STX8: variants seen among roughly 807,000 people sequenced by gnomAD.
STX8 encodes syntaxin-8.
Under a neutral mutation model 37.5 loss-of-function variants are expected in STX8, and 23 were observed. The observed-to-expected ratio is 0.61, with a 90% CI of 0.44 to 0.87. The LOEUF (loss-of-function observed/expected upper bound fraction) is 0.87. STX8 is among the 40% of genes least tolerant of loss of function. STX8 has a pLI of 0.00. For synonymous variants in STX8, 115 were observed against 99.1 expected (o/e 1.16, Z -0.95); for missense variants, 313 against 284.7 (o/e 1.10, Z -0.71).
chr17:9,418,191 C>T (rs1221826522), intron 6 of STX8, among the ~76,000 whole-genome samples: 1 of 152,110 alleles, frequency 6.6e-6, no homozygotes, highest in African/African-American at 2.4e-5. Flanking sequence ...AGAATTGAAC[C>T]AGACTGTAGC....
At position 9,515,267 on chromosome 17, in the gene STX8, A is replaced by C. The variant is rs149279521; in HGVS notation, c.324-10105T>G. Reference sequence around the variant, plus strand: ...AAAATTTTAAATAAATCTGTATATCACAAAAGCTATATTAATTTCACTTTT... The same window carrying C: ...AAAATTTTAAATAAATCTGTATATCCCAAAAGCTATATTAATTTCACTTTT... On this transcript the variant is annotated intron_variant, in intron 4 of 7. Transcript: ENST00000306357. Among the ~76,000 whole-genome samples, 378 of 152,352 alleles carry C rather than the reference A, an allele frequency of 2.5e-3. 3 individuals carry two copies. Among genetic ancestry groups the C allele is most frequent in the African/African-American group, 8.7e-3 (360 of 41,586 alleles).
At chr17:9,344,461 A>G (rs975249509) in intron 7 of STX8, among the ~76,000 whole-genome samples, 3 of 152,062 alleles carry the variant, frequency 2.0e-5, no homozygotes, top group Non-Finnish European at 4.4e-5. Flanking sequence ...GGGTTTCGCC[A>G]TGTTGGTCAG....
chr17:9,433,619 A>T (rs759948502), intron 6 of STX8, among the ~76,000 whole-genome samples: 1 of 150,998 alleles, frequency 6.6e-6, no homozygotes, highest in Non-Finnish European at 1.5e-5. Context: ...CATTTTTTGT[A>T]TGTGGGGGAA....
chr17:9,492,748 A>T (rs1375446699), intron 5 of STX8, among the ~76,000 whole-genome samples: 1 of 152,138 alleles, frequency 6.6e-6, no homozygotes, highest in Non-Finnish European at 1.5e-5. Flanking sequence ...CAGGAGTTCA[A>T]AACCATCCTG....
chr17:9,464,513 T>C (rs1346203007), intron 6 of STX8, among the ~76,000 whole-genome samples: 7 of 152,088 alleles, frequency 4.6e-5, no homozygotes, highest in African/African-American at 1.7e-4. Flanking sequence ...AAACAGGAGA[T>C]CCAACCATGA....
chr17:9,320,489 C>T (rs1319303353), intron 7 of STX8, among the ~76,000 whole-genome samples: 1 of 152,086 alleles, frequency 6.6e-6, no homozygotes, highest in Non-Finnish European at 1.5e-5. Flanking sequence ...TATCATTAAC[C>T]ATAGCTCATT....
chr17:9,450,142 G>A (rs996898697), intron 6 of STX8, among the ~76,000 whole-genome samples: 2 of 151,644 alleles, frequency 1.3e-5, no homozygotes, highest in Non-Finnish European at 2.9e-5. Flanking sequence ...GCAGTGGTGC[G>A]ATCTTGGCTT....
At chr17:9,551,912 T>C (rs1281935593) in intron 3 of STX8, among the ~76,000 whole-genome samples, 2 of 151,220 alleles carry the variant, frequency 1.3e-5, no homozygotes, top group Non-Finnish European at 2.9e-5. Flanking sequence ...GTAACTTATA[T>C]AGAATTACCA....
chr17:9,287,382 G>T (rs972294721), intron 7 of STX8, among the ~76,000 whole-genome samples: 2 of 152,196 alleles, frequency 1.3e-5, no homozygotes, highest in Non-Finnish European at 2.9e-5. Context: ...TCTCAGGAGA[G>T]ATGTTCACAG....
At chr17:9,414,429 A>G (rs1016821902) in intron 6 of STX8, among the ~76,000 whole-genome samples, 8 of 152,138 alleles carry the variant, frequency 5.3e-5, no homozygotes, top group African/African-American at 1.4e-4. Context: ...GTATAACTGG[A>G]TGTCATGGCA....
intron 6 of STX8, among the ~76,000 whole-genome samples, chr17:9,428,450 C>G (rs1027215056): frequency 5.9e-5 from 9 of 152,184 alleles, no homozygotes; most frequent in Admixed American, 3.9e-4. Context: ...CCGTGTTAGC[C>G]AGGATGGTCT....
chr17:9,446,254 A>G (rs1014997054), intron 6 of STX8, among the ~76,000 whole-genome samples: 2 of 152,262 alleles, frequency 1.3e-5, no homozygotes, highest in Non-Finnish European at 2.9e-5. Flanking sequence ...TGCCTGGCAC[A>G]TAGTAGATCC....
intron 6 of STX8, among the ~76,000 whole-genome samples, chr17:9,396,726 A>C (rs1006151778): frequency 6.6e-6 from 1 of 152,034 alleles, no homozygotes. Context: ...AAAAAAAAAA[A>C]AACAACTCTA....
At chr17:9,430,112 T>TA (rs1913895518) in intron 6 of STX8, among the ~76,000 whole-genome samples, 1 of 89,042 alleles carries the variant, frequency 1.1e-5, no homozygotes, top group African/African-American at 4.2e-5. Flanking sequence ...ATATTTTATA[T>TA]ATAAATAAAT....
chr17:9,571,048 G>C (rs1907669845), intron 1 of STX8, among the ~76,000 whole-genome samples: 1 of 152,190 alleles, frequency 6.6e-6, no homozygotes, highest in Non-Finnish European at 1.5e-5. Context: ...GTAGAAGCTA[G>C]TTTCTGCAGA....
intron 6 of STX8, chr17:9,469,929 A>G (rs1446974488): frequency 6.6e-6 from 1 of 152,246 alleles, no homozygotes; most frequent in African/African-American, 2.4e-5. Context: ...TCACCTGTTC[A>G]TAGATACAAA....
At chr17:9,295,275 T>C (rs1368570199) in intron 7 of STX8, among the ~76,000 whole-genome samples, 2 of 152,240 alleles carry the variant, frequency 1.3e-5, no homozygotes. Context: ...CATAACACTT[T>C]ATTGACTTAG....
chr17:9,286,772 C>T (rs1207569629), intron 7 of STX8, among the ~76,000 whole-genome samples: 5 of 150,376 alleles, frequency 3.3e-5, no homozygotes, highest in South Asian at 2.1e-4. Flanking sequence ...GAATATTGTT[C>T]GGTGTGGTAA....
At chr17:9,373,073 C>T (rs1348281861) in intron 7 of STX8, among the ~76,000 whole-genome samples, 3 of 146,046 alleles carry the variant, frequency 2.1e-5, no homozygotes, top group Non-Finnish European at 4.5e-5. Context: ...CATTGCACTC[C>T]AGCCTGGGAA....
Sources: allele counts gnomAD v4.1 joint callset (sites outside exome capture counted in the v4.1 genomes callset), GRCh38; gene constraint gnomAD v4.1.1; transcripts MANE v1.5; gene names NCBI Gene and HGNC (gene_info 2026-07-23, HGNC 2026-07-21).